Variants in CHTF8 observed in about 807,000 individuals in gnomAD.
CHTF8 encodes chromosome transmission fidelity factor 8.
Under a neutral mutation model 11.0 loss-of-function variants are expected in CHTF8, and 6 were observed. The ratio of observed to expected loss-of-function variants is 0.55; its 90% CI spans 0.30 to 1.08. The LOEUF (loss-of-function observed/expected upper bound fraction) is 1.08. CHTF8 is among the 50% of genes least tolerant of loss of function. CHTF8 has a pLI of 0.07. For synonymous variants in CHTF8, 53 were observed against 60.5 expected, an observed-to-expected ratio of 0.88 and a Z score of 0.57; for missense variants, 140 against 153.1, an observed-to-expected ratio of 0.91 and a Z score of 0.45.
intron 1 of CHTF8, among the ~76,000 whole-genome samples, chr16:69,130,551 C>T (rs917725210): frequency 3.9e-5 from 6 of 152,168 alleles, no homozygotes; most frequent in Non-Finnish European, 8.8e-5. Flanking sequence ...ATTTTGCCAC[C>T]TATCCCATAT....
In CHTF8 at chr16:69,118,961, C is replaced by T. The variant is rs1286794159; in HGVS notation, c.*1464G>A. 11 of 702,884 alleles carry T rather than the reference C, an allele frequency of 1.6e-5. No homozygotes were observed. The highest frequency in any genetic ancestry group is 2.7e-5 in the East Asian group (1 of 37,292). The allele number at this position is 702,884 out of a possible 1,614,324, so 43.5% of individuals were successfully genotyped here. A position where few individuals can be genotyped will look rare whatever the true frequency, so the allele number is the denominator to read the frequency against. ...AGGCTCCCCACTCTAGGAAATGGGA[C>T]GAAACTCTTGCCTGCAGGGCCATTC... On this transcript the variant is annotated 3_prime_UTR_variant, in exon 4 of 4. Coordinates refer to ENST00000448552, the MANE Select transcript of CHTF8 (RefSeq NM_001039690.5).
chr16:69,124,285 C>G lies in CHTF8; in HGVS notation c.-35-2792G>C, dbSNP rs568854280. 2.0e-5 allele frequency among the ~76,000 whole-genome samples: 3 copies of G among 152,266 alleles called. No individual in the cohort carries two copies. The South Asian group carries it at 6.2e-4, about 32-fold the overall frequency. On this transcript the variant is annotated intron_variant, in intron 1 of 3. Transcript: ENST00000448552. ...AGGATCGGGGATAAAACTACAGCTT[C>G]TGGCTAAGTACTGTCAATGTATTAT...
Position 69,118,791 on chromosome 16 carries a change from G to A in CHTF8, c.*1634C>T, listed in dbSNP as rs1178192357. The stretch of plus-strand genomic sequence containing the variant: ...GCTCCACAACTACCCTTTTACCTAA[G>A]ACAGCCCCTGCCAAGAACCACAGTG... On this transcript the variant is annotated 3_prime_UTR_variant, in exon 4 of 4. Coordinates refer to ENST00000448552, the MANE Select transcript of CHTF8 (RefSeq NM_001039690.5). 6.1e-6 allele frequency: 4 copies of A among 654,990 alleles called. No individual in the cohort carries two copies. The highest frequency in any genetic ancestry group is 3.6e-5 in the African/African-American group (2 of 55,742). 40.6% of individuals were successfully genotyped at this position (654,990 alleles called of 1,614,324 possible). A position where few individuals can be genotyped will look rare whatever the true frequency, so the allele number is the denominator to read the frequency against.
At chr16:69,122,365 CTT>C (rs869246617) in intron 1 of CHTF8, among the ~76,000 whole-genome samples, 17 of 140,398 alleles carry the variant, frequency 1.2e-4, no homozygotes, top group African/African-American at 3.1e-4. Flanking sequence ...TAAGGATATT[CTT>C]TTTTTTTTTT....
intron 1 of CHTF8, among the ~76,000 whole-genome samples, chr16:69,126,969 G>A (rs373860622): frequency 5.9e-5 from 9 of 152,056 alleles, no homozygotes; most frequent in African/African-American, 4.8e-5. Flanking sequence ...GTATGAGGCC[G>A]GGCGCGGTGG....
rs564301895 is a variant in CHTF8 at position 69,130,219 on chromosome 16, T to A, written c.-36+2265A>T. Among the ~76,000 whole-genome samples the A allele has an allele frequency of 1.2e-3, 188 of 152,308 alleles. 1 individual carries two copies. The highest frequency in any genetic ancestry group is 6.8e-3 in the Middle Eastern group (2 of 294). On this transcript the variant is annotated intron_variant, in intron 1 of 3. Coordinates refer to ENST00000448552, the MANE Select transcript of CHTF8 (RefSeq NM_001039690.5). ...TATGTATCCAATTAAACCGAACATA[T>A]GGCTTATAGCAAAAAAGAGGCTTTG...
rs1287496202 is a variant in CHTF8 at position 69,120,319 on chromosome 16, A to C, written c.*106T>G. 2 of 1,107,510 alleles carry C rather than the reference A, an allele frequency of 1.8e-6. No homozygotes were observed. Among genetic ancestry groups the C allele is most frequent in the South Asian group, 2.5e-5 (2 of 78,746 alleles). The allele number at this position is 1,107,510 out of a possible 1,614,324, so 68.6% of individuals were successfully genotyped here. ...ACCCAGTGGGTGGCCTGTGTTCAGA[A>C]CAGGACCCCCCTGTGGTCCCAGGGA... On this transcript the variant is annotated 3_prime_UTR_variant, in exon 4 of 4. Transcript: ENST00000448552. This position sits in a 1 kb window ranked among gnomAD's most constrained non-coding sequence, Gnocchi z 4.0.
chr16:69,125,949 A>T (rs1962030822), intron 1 of CHTF8, among the ~76,000 whole-genome samples: 1 of 152,232 alleles, frequency 6.6e-6, no homozygotes, highest in Non-Finnish European at 1.5e-5. Context: ...ATTGAGATGA[A>T]CTAAGTTTTT....
chr16:69,123,134 G>A (rs1961806162), intron 1 of CHTF8, among the ~76,000 whole-genome samples: 1 of 152,118 alleles, frequency 6.6e-6, no homozygotes, highest in Non-Finnish European at 1.5e-5. Flanking sequence ...ATAGCTCACT[G>A]AGGCCTTTAC....
rs148167478 is a variant in CHTF8, at chr16:69,129,061, C to A, written c.-36+3423G>T. Among the ~76,000 whole-genome samples, 40 of 151,376 alleles carry A rather than the reference C, an allele frequency of 2.6e-4. No homozygotes were observed. The East Asian group carries it at 7.4e-3, about 28-fold the overall frequency. On this transcript the variant is annotated intron_variant, in intron 1 of 3. Transcript: ENST00000448552. ...CCTGGGTGACAGAGCAAGATTCCAT[C>A]TCAAAAAACAGACAAACTGAAACAA...
chr16:69,118,416 C>A lies in CHTF8; in HGVS notation c.*2009G>T, dbSNP rs113161750. ...GTCCAAGCTGCCCAGGTCAGAGCTA[C>A]GGAAGCATGGTCCGTTCACCAACGC... On this transcript the variant is annotated 3_prime_UTR_variant, in exon 4 of 4. Transcript: ENST00000448552. The A allele has an allele frequency of 4.3e-6, 7 of 1,613,466 alleles. No homozygotes were observed. The highest frequency in any genetic ancestry group is 5.9e-6 in the Non-Finnish European group (7 of 1,179,408).
chr16:69,119,705 C>T lies in CHTF8; in HGVS notation c.*720G>A, dbSNP rs3743680. 1,175 of 680,128 alleles carry T rather than the reference C, an allele frequency of 1.7e-3. 18 individuals are homozygous for T. In the East Asian group the frequency reaches 0.029, roughly 17 times the overall value. The allele number at this position is 680,128 out of a possible 1,614,324, so 42.1% of individuals were successfully genotyped here. The stretch of plus-strand genomic sequence containing the variant: ...TCTAGATTAGGGCCTGGGCCCAGGC[C>T]ACTTGGTCTTGGGTTGGGCCCAAGG... On this transcript the variant is annotated 3_prime_UTR_variant, in exon 4 of 4. Transcript: ENST00000448552.
chr16:69,120,601 T>C lies in CHTF8; in HGVS notation c.190A>G (p.Ile64Val), dbSNP rs926359969. 8 of 1,613,784 alleles carry C rather than the reference T, an allele frequency of 5.0e-6. No individual in the cohort carries two copies. In the Admixed American group the frequency reaches 6.7e-5, roughly 13 times the overall value. ...ACTGCAAAAGGTTTCTCCAGGTGGA[T>C]GATTTTCCCATACAGGATATGATGC... The part of the protein sequence containing the change: ...VGHHILYGKI[I>V]HLEKPFAVLV... The change falls in exon 4 of 4, where the codon ATC becomes GTC. Residue 64 changes from isoleucine (I) to valine (V), a missense_variant. Transcript: ENST00000448552. The surrounding 1 kb of genome is among the most constrained non-coding windows in gnomAD (Gnocchi z 4.0).
In CHTF8 at chr16:69,120,904, G is replaced by A. The variant is rs1297649613; in HGVS notation, c.141+149C>T. The A allele has an allele frequency of 2.5e-6, 2 of 806,230 alleles. No homozygotes were observed. Among genetic ancestry groups the A allele is most frequent in the Non-Finnish European group, 2.2e-6 (1 of 450,608 alleles). 49.9% of individuals were successfully genotyped at this position (806,230 alleles called of 1,614,324 possible). A position where few individuals can be genotyped will look rare whatever the true frequency, so the allele number is the denominator to read the frequency against. On this transcript the variant is annotated intron_variant, in intron 3 of 3. Coordinates refer to ENST00000448552, the MANE Select transcript of CHTF8 (RefSeq NM_001039690.5). This position sits in a 1 kb window ranked among gnomAD's most constrained non-coding sequence, Gnocchi z 4.0. ...AATTAAATTTCCCTGCTACTGCAGA[G>A]GTAGGGGGAGAACAAGCAGAGAGCA...
At chr16:69,125,494 A>G (rs544760038) in intron 1 of CHTF8, among the ~76,000 whole-genome samples, 5 of 152,288 alleles carry the variant, frequency 3.3e-5, no homozygotes, top group African/African-American at 1.2e-4. Flanking sequence ...TTCCCAAAGG[A>G]AAAAAAGTAT....
intron 1 of CHTF8, among the ~76,000 whole-genome samples, chr16:69,129,817 C>A (rs1962366125): frequency 6.6e-6 from 1 of 152,284 alleles, no homozygotes; most frequent in African/African-American, 2.4e-5. Context: ...GGCAAAGTAA[C>A]CTATGGAAAG....
intron 1 of CHTF8, among the ~76,000 whole-genome samples, chr16:69,122,381 T>TC (rs1961740194): frequency 6.7e-6 from 1 of 149,224 alleles, no homozygotes; most frequent in South Asian, 2.1e-4. Context: ...TTTTTTTTTT[T>TC]CTTTTTCTTG....
intron 1 of CHTF8, among the ~76,000 whole-genome samples, chr16:69,127,107 G>A (rs984178413): frequency 1.5e-4 from 23 of 151,974 alleles, no homozygotes; most frequent in Non-Finnish European, 2.1e-4. Context: ...GCGTGGTGGC[G>A]GGTGCCTGTA....
rs573779360 is a variant in CHTF8, at chr16:69,120,504, A to G, written c.287T>C (p.Val96Ala). Residue 96 changes from valine (V) to alanine (A), a missense_variant, in exon 4 of 4, where the codon GTG (valine) becomes GCG (alanine). Transcript: ENST00000448552. This position sits in a 1 kb window ranked among gnomAD's most constrained non-coding sequence, Gnocchi z 4.0. The stretch of plus-strand genomic sequence containing the variant: ...GATCTTGTCTTTGATGAGTGCTGTC[A>G]CCAGGTACCGGGTGCCAGTCTCGCG... ...LGRETGTRYL[V>A]TALIKDKILF... is the part of the protein sequence containing the mutation. The G allele has an allele frequency of 1.9e-6, 3 of 1,614,114 alleles. No homozygotes were observed. In the African/African-American group the frequency reaches 4.0e-5, roughly 22 times the overall value.
Sources: gnomAD v4.1 joint callset for allele counts (sites outside exome capture counted in the v4.1 genomes callset) on GRCh38, gnomAD v4.1.1 for gene constraint, Gnocchi (gnomAD v3.1) non-coding constraint, MANE v1.5 for transcripts, NCBI Gene and HGNC (gene_info 2026-07-23, HGNC 2026-07-21) for gene names.